LMTK3: variants seen among roughly 807,000 people sequenced by gnomAD.
LMTK3 encodes lemur tail kinase 3.
In LMTK3, 27 loss-of-function variants were observed where a neutral mutation model predicts 116.7. That is an observed-to-expected ratio of 0.23 (90% CI 0.17 to 0.32). LMTK3 has a LOEUF of 0.32. LMTK3 is among the 10% of genes least tolerant of loss of function. LMTK3 has a pLI of 1.00. For synonymous variants in LMTK3, 965 were observed against 971.0 expected (o/e 0.99, Z 0.11); for missense variants, 1,764 against 2,068.5 (o/e 0.85, Z 2.86).
intron 5 of LMTK3, among the ~76,000 whole-genome samples, chr19:48,505,585 G>A (rs1972553889): frequency 6.6e-6 from 1 of 152,106 alleles, no homozygotes; most frequent in African/African-American, 2.4e-5. Context: ...ATATAGTCTG[G>A]GTGCAGTGGC....
Position 48,498,177 on chromosome 19 carries a change from C to T in LMTK3, c.2892G>A (p.Leu964=), listed in dbSNP as rs375332014. 12 of 1,613,488 alleles carry T rather than the reference C, an allele frequency of 7.4e-6. No homozygotes were observed. The African/African-American group carries it at 1.2e-4, about 16-fold the overall frequency. ...REEKVLENGE[L]TPPRREEKAL... is the part of the protein sequence containing the mutation. ...CTTTCTCCTCCCTCCTTGGGGGTGTCAGCTCCCCATTCTCCAGCACTTTCT... is the reference window on the plus strand; with the variant it reads ...CTTTCTCCTCCCTCCTTGGGGGTGTTAGCTCCCCATTCTCCAGCACTTTCT... Residue 964 remains leucine (L), a synonymous_variant, in exon 11 of 15, where the codon CTG becomes CTA. Coordinates refer to ENST00000600059, the MANE Select transcript of LMTK3 (RefSeq NM_001388485.1).
rs375441601 is a variant in LMTK3, at chr19:48,499,785, G to A, written c.1284C>T (p.Asp428=). The A allele has an allele frequency of 2.9e-3, 4,332 of 1,472,290 alleles. 20 individuals carry two copies. The highest frequency in any genetic ancestry group is 2.9e-3 in the Non-Finnish European group (3,116 of 1,091,876). The allele number at this position is 1,472,290 out of a possible 1,614,324, so 91.2% of individuals were successfully genotyped here. A position where few individuals can be genotyped will look rare whatever the true frequency, so the allele number is the denominator to read the frequency against. The change falls in exon 11 of 15, where the codon GAC becomes GAT. Residue 428 remains aspartate (D), a synonymous_variant. Transcript: ENST00000600059. ...GGGGCCAGGGCCAGGGGAAGGGACC[G>A]TCTCGGGGTGGGGGTGGCGGCGGTG... The part of the protein sequence containing the change: ...RPPPPPPPPR[D]GPFPWPWPPA...
Position 48,499,776 on chromosome 19 carries a change from GAAGGGACCGTCTCGGGGTGGGGGTGGC to G in LMTK3, c.1266_1292del (p.Pro424_Pro432del). On this transcript the variant is annotated inframe_deletion, in exon 11 of 15. Coordinates refer to ENST00000600059, the MANE Select transcript of LMTK3 (RefSeq NM_001388485.1). The stretch of plus-strand genomic sequence containing the variant: ...TGTGTGCAGGGGGCCAGGGCCAGGG[GAAGGGACCGTCTCGGGGTGGGGGTGGC>G]GGCGGTGGGGGCCGGGGAGGCCGCT... 1 of 1,217,192 alleles carries G rather than the reference GAAGGGACCGTCTCGGGGTGGGGGTGGC, an allele frequency of 8.2e-7. No homozygotes were observed. The allele number at this position is 1,217,192 out of a possible 1,614,324, so 75.4% of individuals were successfully genotyped here. A position where few individuals can be genotyped will look rare whatever the true frequency, so the allele number is the denominator to read the frequency against.
chr19:48,493,770 G>C lies in LMTK3; in HGVS notation c.4016C>G (p.Pro1339Arg). The C allele has an allele frequency of 6.5e-7, 1 of 1,549,640 alleles. No homozygotes were observed. Among genetic ancestry groups the C allele is most frequent in the Non-Finnish European group, 8.7e-7 (1 of 1,148,920 alleles). Residue 1339 changes from proline to arginine, a missense_variant, in exon 12 of 15, where the codon CCA becomes CGA. Physicochemically the swap from Pro to Arg is moderately radical, Grantham distance 103. Transcript: ENST00000600059. ...CTTCCTCTCCAGCTCGCTGTCCTCT[G>C]GCTCGTCGGCCCCGCGCGGAGACTT... ...LLKSPRGADE[P>R]EDSELERKRK...
Position 48,510,129 on chromosome 19 carries a change from A to C in LMTK3, c.255T>G (p.Thr85=). Residue 85 remains threonine (T), a synonymous_variant, in exon 3 of 15, where the codon ACT becomes ACG. Coordinates refer to ENST00000600059, the MANE Select transcript of LMTK3 (RefSeq NM_001388485.1). ...AGGAGGAGGTCTCCTCCGCAGGGGG[A>C]GTGTACTCCCCGGAGCAGTCCTCCC... is the stretch of plus-strand genomic sequence containing the variant. ...PEGEDCSGEY[T]PPAEETSSSQ... 6.2e-7 allele frequency: 1 copy of C among 1,613,556 alleles called. No individual in the cohort carries two copies. Among genetic ancestry groups the C allele is most frequent in the Non-Finnish European group, 8.5e-7 (1 of 1,179,754 alleles).
intron 4 of LMTK3, 124 bp downstream of exon 4, chr19:48,509,313 G>T: frequency 2.4e-6 from 2 of 835,370 alleles, no homozygotes; most frequent in South Asian, 3.1e-5. Context: ...GGGATGGGAG[G>T]CTGAGGGGGC....
upstream of LMTK3, chr19:48,513,128 G>T: frequency 6.3e-7 from 1 of 1,592,932 alleles, no homozygotes; most frequent in East Asian, 2.3e-5. This position sits in a 1 kb window ranked among gnomAD's most constrained non-coding sequence, Gnocchi z 5.6. Context: ...CACACGGGTC[G>T]CAAATACCCA....
At chr19:48,503,505 A>C (rs1972508726) in intron 5 of LMTK3, among the ~76,000 whole-genome samples, 1 of 148,164 alleles carries the variant, frequency 6.7e-6, no homozygotes, top group Non-Finnish European at 1.5e-5. Flanking sequence ...TCCTCCTTAC[A>C]CCTCACCTCC....
intron 12 of LMTK3, among the ~76,000 whole-genome samples, chr19:48,492,682 T>G (rs543867558): frequency 1.3e-5 from 2 of 152,170 alleles, no homozygotes; most frequent in African/African-American, 4.8e-5. Flanking sequence ...ACACTAGAAC[T>G]CTAGTCAACA....
chr19:48,509,485 C>A lies in LMTK3; in HGVS notation c.390G>T (p.Arg130=). 1 of 1,560,040 alleles carries A rather than the reference C, an allele frequency of 6.4e-7. No homozygotes were observed. Among genetic ancestry groups the A allele is most frequent in the East Asian group, 2.4e-5 (1 of 41,782 alleles). Residue 130 remains arginine, a synonymous_variant, in exon 4 of 15, where the codon CGG becomes CGT. Coordinates refer to ENST00000600059, the MANE Select transcript of LMTK3 (RefSeq NM_001388485.1). Reference sequence around the variant, plus strand: ...TCTCCTGCAGGTAGCTCAGGTGCTGCCGGCTAAGGCCCAGGGGGGTGGTCA... The same window carrying A: ...TCTCCTGCAGGTAGCTCAGGTGCTGACGGCTAAGGCCCAGGGGGGTGGTCA... ...SDMTTPLGLS[R]QHLSYLQEIG...
In LMTK3 at chr19:48,499,394, G is replaced by A. The variant is rs1439016753; in HGVS notation, c.1675C>T (p.Pro559Ser). Reference sequence around the variant, plus strand: ...GGGGCGGGCACTCCTGGGTCCAGGGGGTCCCAGTCGTTGGGGAAGAGGGGC... The same window carrying A: ...GGGGCGGGCACTCCTGGGTCCAGGGAGTCCCAGTCGTTGGGGAAGAGGGGC... ...PEPLFPNDWD[P>S]LDPGVPAPQA... The change falls in exon 11 of 15, where the codon CCC (proline) becomes TCC (serine). Residue 559 changes from proline (P) to serine (S), a missense_variant. Pro to Ser is a moderately conservative substitution (Grantham distance 74, BLOSUM62 -1). This residue lies in a region of LMTK3 where 1,028 missense variants were observed against 1,050.6 expected (regional missense o/e 0.98). Coordinates refer to ENST00000600059, the MANE Select transcript of LMTK3 (RefSeq NM_001388485.1). 1.0e-5 allele frequency: 15 copies of A among 1,448,198 alleles called. No individual in the cohort carries two copies. The highest frequency in any genetic ancestry group is 1.4e-5 in the Non-Finnish European group (15 of 1,099,320). 89.7% of individuals were successfully genotyped at this position (1,448,198 alleles called of 1,614,324 possible).
At chr19:48,510,230 T>A in intron 2 of LMTK3, 57 bp from the exon 3 acceptor site, 1 of 1,561,290 alleles carries the variant, frequency 6.4e-7, no homozygotes, top group Non-Finnish European at 8.7e-7. Flanking sequence ...AGACACGCCA[T>A]CGTCTTTCTC....
chr19:48,498,997 C>A lies in LMTK3; in HGVS notation c.2072G>T (p.Gly691Val), dbSNP rs1424548874. 3 of 1,396,748 alleles carry A rather than the reference C, an allele frequency of 2.1e-6. No homozygotes were observed. Among genetic ancestry groups the A allele is most frequent in the South Asian group, 1.6e-5 (1 of 63,792 alleles). 86.5% of individuals were successfully genotyped at this position (1,396,748 alleles called of 1,614,324 possible). A position where few individuals can be genotyped will look rare whatever the true frequency, so the allele number is the denominator to read the frequency against. ...GCCAAGAGCAGGGTGGCCTCCCCAGCCTGCTACGGCGTCCCCCCGCTCCAG... is the reference window on the plus strand; with the variant it reads ...GCCAAGAGCAGGGTGGCCTCCCCAGACTGCTACGGCGTCCCCCCGCTCCAG... ...LPLERGDAVA[G>V]WGGHPALGCP... Residue 691 changes from glycine to valine, a missense_variant, in exon 11 of 15, where the codon GGC (glycine) becomes GTC (valine). Gly to Val is a moderately radical substitution (Grantham distance 109). Around this residue, in one of 7 missense-constraint regions of LMTK3, gnomAD observed 1,028 missense variants for 1,050.6 expected, o/e 0.98. Coordinates refer to ENST00000600059, the MANE Select transcript of LMTK3 (RefSeq NM_001388485.1).
chr19:48,502,477 G>A lies in LMTK3; in HGVS notation c.750C>T (p.Ile250=). ...AATGCAGGTGCGCCAGCCCGCGGGC[G>A]ATCTCCAGGCCCATCCTCTGCAGCG... ...LRTLQRMGLE[I]ARGLAHLHSH... is the part of the protein sequence containing the mutation. The change falls in exon 7 of 15, where the codon ATC becomes ATT. Residue 250 remains isoleucine (I), a synonymous_variant. Coordinates refer to ENST00000600059, the MANE Select transcript of LMTK3 (RefSeq NM_001388485.1). 1 of 1,611,134 alleles carries A rather than the reference G, an allele frequency of 6.2e-7. No individual in the cohort carries two copies. The highest frequency in any genetic ancestry group is 1.1e-5 in the South Asian group (1 of 90,994).
chr19:48,497,994 T>A lies in LMTK3; in HGVS notation c.3075A>T (p.Arg1025Ser). The part of the protein sequence containing the change: ...TERPPETGPW[R>S]APGPWEKTPE... ...GCGTCTTCTCCCAGGGCCCTGGGGC[T>A]CTCCAAGGCCCAGTCTCTGGTGGCC... The change falls in exon 11 of 15, where the codon AGA becomes AGT. Residue 1025 changes from arginine to serine, a missense_variant. This residue lies in a region of LMTK3 where 1,028 missense variants were observed against 1,050.6 expected (regional missense o/e 0.98). Transcript: ENST00000600059. This position sits in a 1 kb window ranked among gnomAD's most constrained non-coding sequence, Gnocchi z 5.7. 6.2e-7 allele frequency: 1 copy of A among 1,609,800 alleles called. No individual in the cohort carries two copies. The highest frequency in any genetic ancestry group is 8.5e-7 in the Non-Finnish European group (1 of 1,178,576).
rs998616573 is a variant in LMTK3, at chr19:48,497,336, C to T, written c.3676+57G>A. 7.8e-6 allele frequency: 11 copies of T among 1,410,036 alleles called. No individual in the cohort carries two copies. The East Asian group carries it at 8.3e-5, about 11-fold the overall frequency. The allele number at this position is 1,410,036 out of a possible 1,614,324, so 87.3% of individuals were successfully genotyped here. A position where few individuals can be genotyped will look rare whatever the true frequency, so the allele number is the denominator to read the frequency against. On this transcript the variant is annotated intron_variant, in intron 11 of 14. Coordinates refer to ENST00000600059, the MANE Select transcript of LMTK3 (RefSeq NM_001388485.1). This position sits in a 1 kb window ranked among gnomAD's most constrained non-coding sequence, Gnocchi z 5.7. ...GACATGTTTACCCACACTCACCCTC[C>T]GCACGCCTCGGAAACAGCCGGACCT...
rs902342613 is a variant in LMTK3 at position 48,502,709 on chromosome 19, C to G, written c.646-128G>C. On this transcript the variant is annotated intron_variant, in intron 6 of 14. Transcript: ENST00000600059. ...GAGCCTTAGTTTCCTCTGCTGCTTGCAGCAGGTAATAACACAGCCCATCTT... is the reference window on the plus strand; with the variant it reads ...GAGCCTTAGTTTCCTCTGCTGCTTGGAGCAGGTAATAACACAGCCCATCTT... 7 of 1,182,160 alleles carry G rather than the reference C, an allele frequency of 5.9e-6. No individual in the cohort carries two copies. In the African/African-American group the frequency reaches 6.2e-5, roughly 10 times the overall value. 73.2% of individuals were successfully genotyped at this position (1,182,160 alleles called of 1,614,324 possible).
At position 48,500,125 on chromosome 19, in the gene LMTK3, A is replaced by C. The variant is rs1044121303; in HGVS notation, c.1152-208T>G. On this transcript the variant is annotated intron_variant, in intron 10 of 14. Coordinates refer to ENST00000600059, the MANE Select transcript of LMTK3 (RefSeq NM_001388485.1). This position sits in a 1 kb window ranked among gnomAD's most constrained non-coding sequence, Gnocchi z 4.0. Reference sequence around the variant, plus strand: ...CAGAGACAGAGGGACAGAGACCCAGAGAGAGAGGGACAGAGATCCAGGCGT... The same window carrying C: ...CAGAGACAGAGGGACAGAGACCCAGCGAGAGAGGGACAGAGATCCAGGCGT... 5.3e-5 allele frequency among the ~76,000 whole-genome samples: 8 copies of C among 151,472 alleles called. No homozygotes were observed. The highest frequency in any genetic ancestry group is 1.9e-4 in the African/African-American group (8 of 41,198).
intron 14 of LMTK3, among the ~76,000 whole-genome samples, chr19:48,487,675 G>C (rs1192834147): frequency 6.6e-6 from 1 of 152,106 alleles, no homozygotes; most frequent in African/African-American, 2.4e-5. Context: ...TGGGCGAGCA[G>C]AATGAAAGCC....
Sources: allele counts gnomAD v4.1 joint callset (sites outside exome capture counted in the v4.1 genomes callset), GRCh38; gene constraint gnomAD v4.1.1; regional missense constraint gnomAD v4.1.1; non-coding constraint Gnocchi (gnomAD v3.1); transcripts MANE v1.5; gene names NCBI Gene and HGNC (gene_info 2026-07-23, HGNC 2026-07-21).